The following MBD5 variants were observed in gnomAD, a reference collection of about 807,000 sequenced individuals.
The protein encoded by MBD5 is methyl-CpG binding domain protein 5.
MBD5 carries 13 observed loss-of-function variants against 117.3 expected under a neutral mutation model. The observed-to-expected ratio is 0.11, with a 90% confidence interval of 0.07 to 0.18. The LOEUF is 0.18. Ranked by LOEUF, MBD5 falls within the 10% of genes least tolerant of loss-of-function variation. MBD5 has a pLI of 1.00. For missense variants in MBD5, 1,879 were observed against 2,093.8 expected (o/e 0.90, Z 2.00); for synonymous variants, 727 against 766.4 (o/e 0.95, Z 0.85).
chr2:148,341,937 C>T (rs1026172883), intron 3 of MBD5, among the ~76,000 whole-genome samples: 1 of 151,856 alleles, frequency 6.6e-6, no homozygotes, highest in African/African-American at 2.4e-5. Flanking sequence ...CAAAATTATA[C>T]TACTATTTTT....
At chr2:148,066,010 A>C (rs1365394844) in intron 1 of MBD5, among the ~76,000 whole-genome samples, 1 of 152,228 alleles carries the variant, frequency 6.6e-6, no homozygotes, top group Non-Finnish European at 1.5e-5. Flanking sequence ...ATTTATAAGC[A>C]TTAATTTTAA....
intron 1 of MBD5, among the ~76,000 whole-genome samples, chr2:148,126,194 G>C (rs1052062364): frequency 2.0e-5 from 3 of 151,642 alleles, no homozygotes; most frequent in African/African-American, 7.3e-5. Flanking sequence ...TCAAGAGTTT[G>C]AGACCGGCCT....
At chr2:148,446,300 A>G (rs1169624717) in intron 4 of MBD5, among the ~76,000 whole-genome samples, 2 of 152,038 alleles carry the variant, frequency 1.3e-5, no homozygotes, top group Non-Finnish European at 1.5e-5. Context: ...ATCTTGAATT[A>G]ATTTTTGTAT....
At chr2:148,315,891 A>G (rs1291058202) in intron 3 of MBD5, among the ~76,000 whole-genome samples, 1 of 152,196 alleles carries the variant, frequency 6.6e-6, no homozygotes, top group Non-Finnish European at 1.5e-5. Context: ...CATAACTGTA[A>G]AGAACTGCCT....
At chr2:148,365,872 T>C (rs1384708264) in intron 4 of MBD5, among the ~76,000 whole-genome samples, 1 of 150,258 alleles carries the variant, frequency 6.7e-6, no homozygotes, top group Non-Finnish European at 1.5e-5. Flanking sequence ...ACCAGATGGA[T>C]GCCCAGGTGA....
intron 3 of MBD5, among the ~76,000 whole-genome samples, chr2:148,248,711 T>C (rs1433685560): frequency 6.6e-6 from 1 of 151,982 alleles, no homozygotes; most frequent in African/African-American, 2.4e-5. Flanking sequence ...AAGAATAAAG[T>C]AGGGAGACTT....
At chr2:148,191,014 C>T (rs1455905969) in intron 2 of MBD5, among the ~76,000 whole-genome samples, 1 of 149,660 alleles carries the variant, frequency 6.7e-6, no homozygotes, top group African/African-American at 2.5e-5. Flanking sequence ...CAAAGAAGGC[C>T]ATTACATAAT....
At chr2:148,092,654 G>C (rs533556676) in intron 1 of MBD5, among the ~76,000 whole-genome samples, 1 of 152,116 alleles carries the variant, frequency 6.6e-6, no homozygotes, top group South Asian at 2.1e-4. Flanking sequence ...ATGGACTTTG[G>C]GTACTCAGGA....
intron 3 of MBD5, among the ~76,000 whole-genome samples, chr2:148,254,571 T>C (rs1700538860): frequency 1.3e-5 from 2 of 151,960 alleles, no homozygotes; most frequent in African/African-American, 2.4e-5. Flanking sequence ...CTGGGCAACA[T>C]GAGGAGAACA....
At position 148,421,214 on chromosome 2, in the gene MBD5, A is replaced by G. The variant is rs142938606; in HGVS notation, c.-556-36989A>G. Among the ~76,000 whole-genome samples, 463 of 152,160 alleles carry G rather than the reference A, an allele frequency of 3.0e-3. 2 individuals are homozygous for G. The highest frequency in any genetic ancestry group is 4.5e-3 in the Non-Finnish European group (304 of 67,972). ...AAGGCACGTGATTTCTGCATTTCCAACTGAGCTACCTGGTTCATCTCACTG... is the reference window on the plus strand; with the variant it reads ...AAGGCACGTGATTTCTGCATTTCCAGCTGAGCTACCTGGTTCATCTCACTG... On this transcript the variant is annotated intron_variant, in intron 4 of 13. Transcript: ENST00000642680.
intron 2 of MBD5, among the ~76,000 whole-genome samples, chr2:148,181,987 T>C (rs1239484967): frequency 6.6e-6 from 1 of 152,106 alleles, no homozygotes; most frequent in Non-Finnish European, 1.5e-5. Flanking sequence ...CATTTGAAAT[T>C]AATGATAATA....
chr2:148,341,268 G>T (rs1702939865), intron 3 of MBD5, among the ~76,000 whole-genome samples: 1 of 151,660 alleles, frequency 6.6e-6, no homozygotes, highest in African/African-American at 2.4e-5. Flanking sequence ...GTATGTGTGT[G>T]CATACATCAG....
At chr2:148,153,248 A>G (rs1311941308) in intron 1 of MBD5, among the ~76,000 whole-genome samples, 2 of 151,482 alleles carry the variant, frequency 1.3e-5, no homozygotes, top group East Asian at 3.9e-4. Context: ...TCTTTTCTTT[A>G]AGAATGTTGA....
At chr2:148,342,002 A>G (rs1444110514) in intron 3 of MBD5, among the ~76,000 whole-genome samples, 1 of 152,068 alleles carries the variant, frequency 6.6e-6, no homozygotes, top group Non-Finnish European at 1.5e-5. Flanking sequence ...TATTAAACAT[A>G]TGAAAATAAA....
At chr2:148,308,487 C>CTTTTTTTTTT (rs1701948279) in intron 3 of MBD5, among the ~76,000 whole-genome samples, 1 of 27,698 alleles carries the variant, frequency 3.6e-5, no homozygotes. Context: ...TGATGGGGTT[C>CTTTTTTTTTT]TTTCTTTTTT....
intron 7 of MBD5, among the ~76,000 whole-genome samples, chr2:148,466,677 A>T (rs923769412): frequency 1.3e-5 from 2 of 152,192 alleles, no homozygotes; most frequent in African/African-American, 4.8e-5. Context: ...ACAAGAAAAT[A>T]AGCTTCAGTT....
intron 1 of MBD5, among the ~76,000 whole-genome samples, chr2:148,076,013 T>C (rs1199361344): frequency 6.6e-6 from 1 of 152,160 alleles, no homozygotes; most frequent in Non-Finnish European, 1.5e-5. Flanking sequence ...GTAAATAACG[T>C]CTGTATAGTT....
chr2:148,132,144 C>T (rs1449614267), intron 1 of MBD5, among the ~76,000 whole-genome samples: 3 of 151,902 alleles, frequency 2.0e-5, no homozygotes, highest in Admixed American at 2.0e-4. Context: ...ATGAGATAAT[C>T]TACTGAGTAT....
intron 1 of MBD5, among the ~76,000 whole-genome samples, chr2:148,150,577 G>A (rs1413333830): frequency 6.6e-6 from 1 of 152,092 alleles, no homozygotes; most frequent in Non-Finnish European, 1.5e-5. Context: ...CCATGAGCAT[G>A]GAATGTTCTT....
Sources: allele counts gnomAD v4.1 joint callset (sites outside exome capture counted in the v4.1 genomes callset), GRCh38; gene constraint gnomAD v4.1.1; transcripts MANE v1.5; gene names NCBI Gene and HGNC (gene_info 2026-07-23, HGNC 2026-07-21).